Variants in TPO observed in about 807,000 individuals in gnomAD.
TPO encodes thyroid microsomal antigen.
A neutral mutation model predicts 96.9 loss-of-function variants in TPO; 78 were observed. The observed-to-expected ratio is 0.81, with a 90% confidence interval of 0.67 to 0.97. The LOEUF (loss-of-function observed/expected upper bound fraction) is 0.97, where lower values mean the gene tolerates loss of function less well. TPO is among the 50% of genes least tolerant of loss of function. The pLI, the probability that TPO is intolerant of heterozygous loss-of-function variation, is 0.00. For missense variants in TPO, 1,252 were observed against 1,274.8 expected, an observed-to-expected ratio of 0.98 and a Z score of 0.27; for synonymous variants, 547 against 538.0, an observed-to-expected ratio of 1.02 and a Z score of -0.23.
intron 8 of TPO, among the ~76,000 whole-genome samples, chr2:1,480,541 A>C (rs1269195503): frequency 2.9e-3 from 148 of 51,396 alleles, no homozygotes; most frequent in Middle Eastern, 0.012. Context: ...CCCCCCCTCT[A>C]TCACCCCTCA....
At chr2:1,492,358 T>C (rs986062262) in intron 10 of TPO, among the ~76,000 whole-genome samples, 1 of 152,206 alleles carries the variant, frequency 6.6e-6, no homozygotes, top group African/African-American at 2.4e-5. Context: ...TTTCACCATG[T>C]TGGCCAGGCT....
chr2:1,415,352 G>A (rs1208779775), intron 2 of TPO, among the ~76,000 whole-genome samples: 1 of 141,834 alleles, frequency 7.1e-6, no homozygotes, highest in Non-Finnish European at 1.5e-5. Context: ...TGGAGCAGGT[G>A]ACACTTCGCC....
intron 7 of TPO, among the ~76,000 whole-genome samples, chr2:1,468,340 T>C (rs1341543133): frequency 6.6e-6 from 1 of 152,200 alleles, no homozygotes; most frequent in African/African-American, 2.4e-5. Flanking sequence ...TTTTGATGTG[T>C]TTCCAGGATT....
intron 15 of TPO, 60 bp downstream of exon 15, chr2:1,517,042 A>G (rs924417260): frequency 6.5e-7 from 1 of 1,549,502 alleles, no homozygotes; most frequent in Non-Finnish European, 8.8e-7. Context: ...TCCTCTGGAC[A>G]TGGCTGCAAT....
intron 5 of TPO, among the ~76,000 whole-genome samples, chr2:1,437,405 C>T (rs916015425): frequency 1.3e-5 from 2 of 152,150 alleles, no homozygotes; most frequent in African/African-American, 4.8e-5. Flanking sequence ...CAAAGGGACT[C>T]GAGCTCCTCA....
At chr2:1,484,437 G>C (rs17091744) in intron 8 of TPO, among the ~76,000 whole-genome samples, 159 bp from the exon 9 acceptor site, 2,296 of 152,264 alleles carry the variant, frequency 0.015, 59 homozygotes, top group African/African-American at 0.052. Flanking sequence ...AAATCAGCAA[G>C]AAGGCATTTC....
chr2:1,491,436 A>G (rs1573408851), intron 10 of TPO, among the ~76,000 whole-genome samples: 1 of 152,232 alleles, frequency 6.6e-6, no homozygotes, highest in Admixed American at 6.5e-5. Flanking sequence ...TGAAATTAAG[A>G]TTTCCATCTC....
intron 14 of TPO, among the ~76,000 whole-genome samples, chr2:1,515,966 T>A (rs1674660354): frequency 1.3e-5 from 2 of 152,196 alleles, no homozygotes; most frequent in South Asian, 4.1e-4. Flanking sequence ...CATCTTGGAT[T>A]TCTCCTCGGC....
chr2:1,420,182 T>C (rs1431607261), intron 2 of TPO, among the ~76,000 whole-genome samples: 1 of 152,256 alleles, frequency 6.6e-6, no homozygotes, highest in Non-Finnish European at 1.5e-5. Flanking sequence ...AACTAGAGAC[T>C]AAGCAACATA....
At chr2:1,425,216 C>T (rs1207333309) in intron 3 of TPO, among the ~76,000 whole-genome samples, 1 of 150,562 alleles carries the variant, frequency 6.6e-6, no homozygotes, top group East Asian at 2.0e-4. Context: ...GTTCTAGATG[C>T]CAGGATACAG....
At chr2:1,467,699 G>A (rs1669030220) in intron 7 of TPO, among the ~76,000 whole-genome samples, 1 of 151,962 alleles carries the variant, frequency 6.6e-6, no homozygotes. Context: ...TACCTGTTAA[G>A]TCCATTTGTT....
At chr2:1,533,880 C>T (rs1249175765) in intron 15 of TPO, among the ~76,000 whole-genome samples, 1 of 99,718 alleles carries the variant, frequency 1.0e-5, no homozygotes, top group Non-Finnish European at 2.1e-5. Context: ...ATCCCCCCCA[C>T]TCTGTGTGCA....
At chr2:1,375,091 TTTTAA>T (rs1661702278) in intron 1 of TPO, among the ~76,000 whole-genome samples, 1 of 144,642 alleles carries the variant, frequency 6.9e-6, no homozygotes, top group African/African-American at 2.5e-5. Context: ...ATTAAAGAGT[TTTTAA>T]TTTTTTTTTA....
At chr2:1,395,749 ATAGTGTGTTCTAG>A (rs1410142052) in intron 1 of TPO, among the ~76,000 whole-genome samples, 3 of 150,708 alleles carry the variant, frequency 2.0e-5, no homozygotes, top group African/African-American at 7.4e-5. Context: ...TGTTCTAGTG[ATAGTGTGTTCTAG>A]TGATAGTGTG....
intron 1 of TPO, among the ~76,000 whole-genome samples, chr2:1,406,777 G>A (rs1281522981): frequency 6.6e-6 from 1 of 152,218 alleles, no homozygotes; most frequent in Non-Finnish European, 1.5e-5. Context: ...ATTAGCAAGT[G>A]GAAGGTGAAG....
chr2:1,512,571 G>GTC (rs1263688509), intron 14 of TPO: 7 of 815,190 alleles, frequency 8.6e-6, no homozygotes, highest in African/African-American at 1.9e-5. Context: ...CGAACCTGAA[G>GTC]TCAGGGTCCG....
At chr2:1,478,289 G>GGTT in intron 8 of TPO, 1 of 984,486 alleles carries the variant, frequency 1.0e-6, no homozygotes, top group Non-Finnish European at 1.2e-6. Context: ...GGGTCTCACA[G>GGTT]GTTGTTAGGA....
intron 11 of TPO, among the ~76,000 whole-genome samples, 195 bp from the exon 12 acceptor site, chr2:1,495,794 T>TG (rs950836331): frequency 2.0e-5 from 3 of 149,480 alleles, no homozygotes; most frequent in East Asian, 2.0e-4. Flanking sequence ...TCCCGGGTGC[T>TG]GGGGGTCTGG....
chr2:1,493,669 C>T (rs555952323), intron 10 of TPO, 133 bp from the exon 11 acceptor site: 3 of 1,033,204 alleles, frequency 2.9e-6, no homozygotes, highest in African/African-American at 1.7e-5. Flanking sequence ...GGCAAACTGC[C>T]AGGCAGTGTC....
Sources: allele counts gnomAD v4.1 joint callset (sites outside exome capture counted in the v4.1 genomes callset), GRCh38; gene constraint gnomAD v4.1.1; transcripts MANE v1.5; gene names NCBI Gene and HGNC (gene_info 2026-07-23, HGNC 2026-07-21).